Variants in DACH1 observed in about 807,000 individuals in gnomAD.
DACH1 encodes dachshund homolog 1.
A neutral mutation model predicts 54.2 loss-of-function variants in DACH1; 12 were observed. The observed-to-expected ratio is 0.22, with a 90% CI of 0.14 to 0.36. The LOEUF is 0.36. Ranked by LOEUF, DACH1 falls within the 10% of genes least tolerant of loss-of-function variation. DACH1 has a pLI of 1.00. For synonymous variants in DACH1, 386 were observed against 366.2 expected (o/e 1.05, Z -0.62); for missense variants, 805 against 929.8 (o/e 0.87, Z 1.75).
At chr13:71,840,831 A>G (rs953530313) in intron 1 of DACH1, among the ~76,000 whole-genome samples, 2 of 152,200 alleles carry the variant, frequency 1.3e-5, no homozygotes, top group African/African-American at 4.8e-5. Flanking sequence ...TTAAGCTTAG[A>G]TTTCCAAGAT....
At chr13:71,497,401 G>A (rs1009723988) in intron 6 of DACH1, among the ~76,000 whole-genome samples, 4 of 151,362 alleles carry the variant, frequency 2.6e-5, no homozygotes, top group African/African-American at 9.7e-5. Context: ...GCTCAATCTC[G>A]GCTCACGGCA....
chr13:71,657,672 T>C (rs1879214814), intron 2 of DACH1, among the ~76,000 whole-genome samples: 1 of 152,202 alleles, frequency 6.6e-6, no homozygotes, highest in Admixed American at 6.5e-5. Flanking sequence ...ACATACACAG[T>C]ACAAAATGTT....
At chr13:71,754,419 G>C (rs1325659614) in intron 1 of DACH1, among the ~76,000 whole-genome samples, 1 of 152,196 alleles carries the variant, frequency 6.6e-6, no homozygotes, top group Non-Finnish European at 1.5e-5. Context: ...GTCTTTAGAA[G>C]ATATGGGAGT....
At chr13:71,475,078 G>T in intron 10 of DACH1, 63 bp downstream of exon 10, 1 of 1,464,164 alleles carries the variant, frequency 6.8e-7, no homozygotes, top group Non-Finnish European at 9.6e-7. Flanking sequence ...TGAATAGCAG[G>T]CTAAAGCTGA....
intron 8 of DACH1, among the ~76,000 whole-genome samples, chr13:71,478,576 AAAG>A (rs1295832109): frequency 1.3e-5 from 2 of 152,212 alleles, no homozygotes; most frequent in Non-Finnish European, 2.9e-5. Context: ...CAGTGTGACA[AAAG>A]AAGCAGTTCA....
chr13:71,796,411 A>G (rs936172770), intron 1 of DACH1, among the ~76,000 whole-genome samples: 7 of 152,108 alleles, frequency 4.6e-5, no homozygotes, highest in Admixed American at 6.6e-5. Flanking sequence ...CACATAGTAT[A>G]TTATACTATC....
At chr13:71,747,396 C>T (rs7998836) in intron 1 of DACH1, among the ~76,000 whole-genome samples, 115,343 of 152,038 alleles carry the variant, frequency 0.76, 45,930 homozygotes, top group Non-Finnish European at 0.9. Flanking sequence ...CTGGCCAACA[C>T]GGTGAAGCCC....
At chr13:71,655,630 C>G (rs1426112182) in intron 2 of DACH1, among the ~76,000 whole-genome samples, 1 of 152,030 alleles carries the variant, frequency 6.6e-6, no homozygotes, top group Non-Finnish European at 1.5e-5. Context: ...CTCTGCCTCC[C>G]TAAGTGCTGG....
At chr13:71,748,884 T>C (rs1189515297) in intron 1 of DACH1, among the ~76,000 whole-genome samples, 16 of 16,488 alleles carry the variant, frequency 9.7e-4, no homozygotes, top group African/African-American at 1.6e-3. Context: ...CTTTCTTTCT[T>C]TCTTTCTTTC....
chr13:71,796,468 A>G (rs2138109815), intron 1 of DACH1, among the ~76,000 whole-genome samples: 1 of 152,096 alleles, frequency 6.6e-6, no homozygotes, highest in African/African-American at 2.4e-5. Flanking sequence ...TATTAACCAA[A>G]TTTTCAGTAT....
intron 1 of DACH1, among the ~76,000 whole-genome samples, chr13:71,742,623 T>G (rs1459915020): frequency 6.6e-6 from 1 of 152,196 alleles, no homozygotes; most frequent in East Asian, 1.9e-4. Flanking sequence ...AAGATATGTT[T>G]TACTATTAGT....
intron 1 of DACH1, among the ~76,000 whole-genome samples, chr13:71,715,156 T>A (rs1044130317): frequency 1.8e-4 from 27 of 152,094 alleles, no homozygotes; most frequent in Non-Finnish European, 5.9e-5. Flanking sequence ...ATCTCCGACT[T>A]CAAAGCCTGT....
chr13:71,536,074 T>C (rs1882773769), intron 6 of DACH1, among the ~76,000 whole-genome samples: 1 of 152,060 alleles, frequency 6.6e-6, no homozygotes, highest in Admixed American at 6.6e-5. Context: ...TTAAGAGAAA[T>C]GTATTGATTT....
At chr13:71,669,368 A>G (rs1267758675) in intron 2 of DACH1, among the ~76,000 whole-genome samples, 1 of 152,160 alleles carries the variant, frequency 6.6e-6, no homozygotes, top group Non-Finnish European at 1.5e-5. Context: ...CAGGAACCCT[A>G]TTGTGAACTG....
rs569619741 is a variant in DACH1, at chr13:71,621,132, A to G, written c.1126+9424T>C. Among the ~76,000 whole-genome samples, 4 of 152,120 alleles carry G rather than the reference A, an allele frequency of 2.6e-5. No individual in the cohort carries two copies. In the East Asian group the frequency reaches 7.7e-4, roughly 29 times the overall value. ...TATAACTGGACACACAAACACACAC[A>G]CACACTTCTTTGTCGCTATGCAGCT... On this transcript the variant is annotated intron_variant, in intron 3 of 10. Coordinates refer to ENST00000613252, the MANE Select transcript of DACH1 (RefSeq NM_080759.6).
intron 6 of DACH1, among the ~76,000 whole-genome samples, chr13:71,528,341 C>A (rs1353570641): frequency 6.6e-6 from 1 of 151,638 alleles, no homozygotes; most frequent in Non-Finnish European, 1.5e-5. Context: ...AGGTTAATTT[C>A]ATCAACTATG....
chr13:71,654,438 A>ATAAAG (rs1878923646), intron 2 of DACH1, among the ~76,000 whole-genome samples: 25 of 139,324 alleles, frequency 1.8e-4, no homozygotes, highest in Non-Finnish European at 3.1e-4. Flanking sequence ...ATAAAATAAA[A>ATAAAG]TAAAATAAAA....
intron 10 of DACH1, among the ~76,000 whole-genome samples, chr13:71,452,068 T>C (rs2325392): frequency 0.86 from 131,314 of 152,182 alleles, 59,382 homozygotes; most frequent in Non-Finnish European, 0.99. Flanking sequence ...GAATACATGA[T>C]AGTTTTTACA....
At chr13:71,470,732 A>ACAT (rs1876999029) in intron 10 of DACH1, among the ~76,000 whole-genome samples, 1 of 152,238 alleles carries the variant, frequency 6.6e-6, no homozygotes, top group Non-Finnish European at 1.5e-5. Flanking sequence ...ACAAGATCTA[A>ACAT]CATAGGTCCT....
Sources: allele counts gnomAD v4.1 joint callset (sites outside exome capture counted in the v4.1 genomes callset), GRCh38; gene constraint gnomAD v4.1.1; transcripts MANE v1.5; gene names NCBI Gene and HGNC (gene_info 2026-07-23, HGNC 2026-07-21).